GLIS3: variants seen among roughly 807,000 people sequenced by gnomAD.
GLIS3 encodes the protein zinc finger protein GLIS3.
Under a neutral mutation model 78.6 loss-of-function variants are expected in GLIS3, and 53 were observed. The ratio of observed to expected loss-of-function variants is 0.67; its 90% CI spans 0.54 to 0.85. GLIS3 has a LOEUF of 0.85. Ranked by LOEUF, GLIS3 falls within the 40% of genes least tolerant of loss-of-function variation. The pLI, the probability that GLIS3 is intolerant of heterozygous loss-of-function variation, is 0.00. For missense variants in GLIS3, 1,703 were observed against 1,231.1 expected (o/e 1.38, Z -5.74); for synonymous variants, 684 against 509.9 (o/e 1.34, Z -4.60).
At chr9:4,230,072 A>T (rs1181887965) in intron 2 of GLIS3, among the ~76,000 whole-genome samples, 2 of 152,240 alleles carry the variant, frequency 1.3e-5, no homozygotes, top group East Asian at 3.8e-4. Context: ...AAAGGACTTC[A>T]AAGAAAGGCC....
At chr9:4,400,965 G>C in the GLIS3 span, among the ~76,000 whole-genome samples, 1 of 152,190 alleles carries the variant, frequency 6.6e-6, no homozygotes, top group Non-Finnish European at 1.5e-5. Context: ...GCTGGCCTCA[G>C]GGGAAACCTA....
chr9:4,131,359 GATATA>G (rs775288426), intron 2 of GLIS3, among the ~76,000 whole-genome samples: 11 of 152,148 alleles, frequency 7.2e-5, no homozygotes, highest in African/African-American at 1.4e-4. Flanking sequence ...GGGTCAGGGT[GATATA>G]ATATGCTTTG....
At chr9:4,426,735 C>T in the GLIS3 span, among the ~76,000 whole-genome samples, 12 of 152,222 alleles carry the variant, frequency 7.9e-5, no homozygotes, top group Admixed American at 5.9e-4. Flanking sequence ...CTCTTTCTTG[C>T]TGTGTGACCT....
At chr9:4,097,253 G>A (rs564211551) in intron 4 of GLIS3, among the ~76,000 whole-genome samples, 2 of 152,144 alleles carry the variant, frequency 1.3e-5, no homozygotes, top group Admixed American at 6.5e-5. Flanking sequence ...TAAATTAAGA[G>A]TCAAAAGGAA....
chr9:4,030,413 C>T (rs774118319), intron 4 of GLIS3, among the ~76,000 whole-genome samples: 8 of 152,062 alleles, frequency 5.3e-5, no homozygotes, highest in Non-Finnish European at 1.2e-4. Context: ...TTCACTTTGT[C>T]GGTCGCTATA....
At chr9:4,134,160 C>G (rs1481048310) in intron 2 of GLIS3, among the ~76,000 whole-genome samples, 1 of 152,166 alleles carries the variant, frequency 6.6e-6, no homozygotes. Context: ...TAAGCCTGGC[C>G]CTTTTATTTC....
At chr9:4,255,027 C>T (rs769688907) in intron 2 of GLIS3, among the ~76,000 whole-genome samples, 1 of 152,060 alleles carries the variant, frequency 6.6e-6, no homozygotes, top group African/African-American at 2.4e-5. Context: ...AATGAGAAAA[C>T]AACCATCCCT....
intron 2 of GLIS3, among the ~76,000 whole-genome samples, chr9:4,135,455 A>T (rs1833333915): frequency 6.6e-6 from 1 of 152,048 alleles, no homozygotes. Context: ...GCACACATTG[A>T]CCCCTATATT....
chr9:4,380,501 A>G, the GLIS3 span, among the ~76,000 whole-genome samples: 2 of 152,246 alleles, frequency 1.3e-5, no homozygotes, highest in East Asian at 3.8e-4. Flanking sequence ...GCTGAAGACA[A>G]AGATTTCTAT....
chr9:3,979,784 T>C (rs1289985455), intron 4 of GLIS3, among the ~76,000 whole-genome samples: 4 of 152,196 alleles, frequency 2.6e-5, no homozygotes, highest in East Asian at 1.9e-4. Context: ...AAGATAATTA[T>C]TGAGTGCCTA....
At chr9:4,154,977 C>T (rs1033163488) in intron 2 of GLIS3, among the ~76,000 whole-genome samples, 4 of 152,096 alleles carry the variant, frequency 2.6e-5, no homozygotes, top group Non-Finnish European at 5.9e-5. Flanking sequence ...TACTGAACTA[C>T]ATGGGGAGTT....
At chr9:4,443,847 G>T in the GLIS3 span, among the ~76,000 whole-genome samples, 7 of 152,052 alleles carry the variant, frequency 4.6e-5, no homozygotes, top group Non-Finnish European at 8.8e-5. Context: ...TAGCGGGCCT[G>T]GTGTCAAAAA....
the GLIS3 span, among the ~76,000 whole-genome samples, chr9:4,409,942 A>G: frequency 2.6e-5 from 4 of 152,106 alleles, no homozygotes; most frequent in African/African-American, 9.7e-5. Context: ...ACACAGAAAT[A>G]ATGTGGTTTA....
At chr9:4,223,607 G>C (rs571803493) in intron 2 of GLIS3, among the ~76,000 whole-genome samples, 2 of 152,258 alleles carry the variant, frequency 1.3e-5, no homozygotes, top group African/African-American at 2.4e-5. Flanking sequence ...AACACCACGT[G>C]AACAACCACT....
chr9:3,835,522 C>T (rs1005830451), intron 9 of GLIS3, among the ~76,000 whole-genome samples: 8 of 152,178 alleles, frequency 5.3e-5, no homozygotes, highest in Non-Finnish European at 8.8e-5. Context: ...AGGCTAAGTG[C>T]TATAGTTTTT....
chr9:3,910,630 G>A (rs1824071103), intron 6 of GLIS3, among the ~76,000 whole-genome samples: 1 of 152,214 alleles, frequency 6.6e-6, no homozygotes, highest in African/African-American at 2.4e-5. Context: ...AGATTACAGA[G>A]GCAGGCCAAG....
intron 2 of GLIS3, among the ~76,000 whole-genome samples, chr9:4,176,555 T>C (rs1816829819): frequency 6.6e-6 from 1 of 152,154 alleles, no homozygotes; most frequent in Non-Finnish European, 1.5e-5. Flanking sequence ...TAGGAGGAAT[T>C]TTTTTCACTA....
At chr9:3,845,264 A>G (rs1818958965) in intron 9 of GLIS3, among the ~76,000 whole-genome samples, 1 of 152,196 alleles carries the variant, frequency 6.6e-6, no homozygotes, top group African/African-American at 2.4e-5. Flanking sequence ...GGAAAGCAAA[A>G]GCATATATTT....
chr9:4,042,780 T>C (rs575301594), intron 4 of GLIS3, among the ~76,000 whole-genome samples: 2 of 152,278 alleles, frequency 1.3e-5, no homozygotes, highest in African/African-American at 4.8e-5. Flanking sequence ...TATATGATTT[T>C]AGTGACAATA....
Sources: gnomAD v4.1 joint callset for allele counts (sites outside exome capture counted in the v4.1 genomes callset) on GRCh38, gnomAD v4.1.1 for gene constraint, MANE v1.5 for transcripts, NCBI Gene and HGNC (gene_info 2026-07-23, HGNC 2026-07-21) for gene names.